The following LRRC37A2 variants were observed in gnomAD, a reference collection of about 807,000 sequenced individuals.
LRRC37A2 encodes leucine rich repeat containing 37 member A2, also known as leucine-rich repeat-containing protein 37A2.
In LRRC37A2, 9 loss-of-function variants were observed where a neutral mutation model predicts 68.8. The observed-to-expected ratio is 0.13, with a 90% confidence interval of 0.08 to 0.23. The LOEUF is 0.23. Ranked by LOEUF, LRRC37A2 falls within the 10% of genes least tolerant of loss-of-function variation. The pLI is 1.00. For synonymous variants in LRRC37A2, 63 were observed against 367.6 expected, an observed-to-expected ratio of 0.17 and a Z score of 9.48; for missense variants, 168 against 950.4, an observed-to-expected ratio of 0.18 and a Z score of 10.82.
the LRRC37A2 span, among the ~76,000 whole-genome samples, chr17:46,829,096 C>G: frequency 6.6e-6 from 1 of 152,180 alleles, no homozygotes; most frequent in African/African-American, 2.4e-5. Context: ...GGTTGCACAA[C>G]TTTTTCAATA....
At chr17:46,583,298 A>T in the LRRC37A2 span, among the ~76,000 whole-genome samples, 4 of 73,950 alleles carry the variant, frequency 5.4e-5, no homozygotes, top group South Asian at 2.2e-3. Flanking sequence ...TTATTTATTT[A>T]TTTATTTTTA....
At chr17:46,845,485 A>ATTT in the LRRC37A2 span, among the ~76,000 whole-genome samples, 322 of 121,368 alleles carry the variant, frequency 2.7e-3, 4 homozygotes, top group East Asian at 0.017. Context: ...AGTTATCTGA[A>ATTT]TTTTTTTTTT....
At chr17:46,491,076 T>C in the LRRC37A2 span, among the ~76,000 whole-genome samples, 1 of 150,690 alleles carries the variant, frequency 6.6e-6, no homozygotes, top group Non-Finnish European at 1.5e-5. Context: ...TTGTATTTTT[T>C]AGTAGAGATG....
the LRRC37A2 span, among the ~76,000 whole-genome samples, chr17:46,878,195 A>C: frequency 6.6e-6 from 1 of 152,370 alleles, no homozygotes; most frequent in East Asian, 1.9e-4. Flanking sequence ...TCTTTCGGGA[A>C]GCCCTTGGCC....
At chr17:46,739,370 C>CAA in the LRRC37A2 span, among the ~76,000 whole-genome samples, 5,724 of 52,564 alleles carry the variant, frequency 0.11, 1,566 homozygotes, top group East Asian at 0.55. Flanking sequence ...GACTCTGTCT[C>CAA]AAAAAAAAAA....
chr17:46,938,648 A>T, the LRRC37A2 span: 6 of 1,614,068 alleles, frequency 3.7e-6, no homozygotes, highest in Non-Finnish European at 5.1e-6. Context: ...GGCTTGTCCA[A>T]CACAGTGATG....
At chr17:47,021,298 T>C in the LRRC37A2 span, among the ~76,000 whole-genome samples, 3,640 of 139,230 alleles carry the variant, frequency 0.026, 69 homozygotes, top group Middle Eastern at 0.035. Context: ...AAGGAAAAGC[T>C]TAATTCAGGG....
chr17:46,642,023 CA>C, the LRRC37A2 span, among the ~76,000 whole-genome samples: 9 of 110,458 alleles, frequency 8.1e-5, 1 homozygote, highest in African/African-American at 3.4e-4. Flanking sequence ...CTAAGTAATC[CA>C]TGGGAAAAAA....
At chr17:46,716,201 T>C in the LRRC37A2 span, among the ~76,000 whole-genome samples, 1 of 151,908 alleles carries the variant, frequency 6.6e-6, no homozygotes, top group Non-Finnish European at 1.5e-5. Flanking sequence ...GAAAATGAAA[T>C]GTAAATGTCA....
At chr17:46,545,525 G>A (rs2056165497) in intron 8 of LRRC37A2, among the ~76,000 whole-genome samples, 5 of 124,052 alleles carry the variant, frequency 4.0e-5, no homozygotes. Flanking sequence ...TGAAGATCCT[G>A]TTCTCAAATG....
chr17:46,939,640 T>G, the LRRC37A2 span: 2 of 985,688 alleles, frequency 2.0e-6, no homozygotes, highest in Non-Finnish European at 2.4e-6. Flanking sequence ...TTTGGTTCCC[T>G]TCTCTTCCCT....
chr17:46,784,772 C>CT, the LRRC37A2 span, among the ~76,000 whole-genome samples: 28 of 112,396 alleles, frequency 2.5e-4, 1 homozygote, highest in African/African-American at 7.6e-4. Flanking sequence ...CCCCTTTTTG[C>CT]TTTTCTTTTT....
chr17:46,876,222 C>G, the LRRC37A2 span: 2 of 1,580,066 alleles, frequency 1.3e-6, no homozygotes, highest in African/African-American at 1.3e-5. Flanking sequence ...TCTGACCACG[C>G]CTCTGTTCTG....
At chr17:46,912,843 C>T in the LRRC37A2 span, among the ~76,000 whole-genome samples, 1 of 152,134 alleles carries the variant, frequency 6.6e-6, no homozygotes, top group African/African-American at 2.4e-5. Flanking sequence ...GTGACTCGGC[C>T]CTCTTTGGGT....
chr17:46,952,452 G>C, the LRRC37A2 span, among the ~76,000 whole-genome samples: 1 of 152,174 alleles, frequency 6.6e-6, no homozygotes, highest in Non-Finnish European at 1.5e-5. Flanking sequence ...CACTTTTGTT[G>C]ATCTAGCAAG....
chr17:46,787,236 C>T, the LRRC37A2 span, among the ~76,000 whole-genome samples: 1 of 148,494 alleles, frequency 6.7e-6, no homozygotes, highest in Non-Finnish European at 1.5e-5. Flanking sequence ...CCAGCGTGCC[C>T]AGCCAATAAA....
At chr17:46,981,732 G>A in the LRRC37A2 span, among the ~76,000 whole-genome samples, 2 of 152,050 alleles carry the variant, frequency 1.3e-5, no homozygotes, top group Admixed American at 6.6e-5. Context: ...TTTGAGACAG[G>A]ATCTCGCTCT....
At chr17:47,003,321 G>A in the LRRC37A2 span, among the ~76,000 whole-genome samples, 11 of 151,556 alleles carry the variant, frequency 7.3e-5, no homozygotes, top group Admixed American at 2.0e-4. Context: ...TGATACAGTC[G>A]GGCACTTATA....
chr17:47,040,407 T>C, the LRRC37A2 span, among the ~76,000 whole-genome samples: 2 of 152,022 alleles, frequency 1.3e-5, no homozygotes, highest in African/African-American at 4.8e-5. Flanking sequence ...TAAATGTTTG[T>C]TAAAAGTTGA....
Sources: gnomAD v4.1 joint callset for allele counts (sites outside exome capture counted in the v4.1 genomes callset) on GRCh38, gnomAD v4.1.1 for gene constraint, MANE v1.5 for transcripts, NCBI Gene and HGNC (gene_info 2026-07-23, HGNC 2026-07-21) for gene names.